Variants in DOK6 observed in about 807,000 individuals in gnomAD.
DOK6 encodes the protein docking protein 6, also known as downstream of tyrosine kinase 6.
Under a neutral mutation model 44.0 loss-of-function variants are expected in DOK6, and 22 were observed. The ratio of observed to expected loss-of-function variants is 0.50; its 90% CI spans 0.36 to 0.71. The LOEUF is 0.71. DOK6 is among the 30% of genes least tolerant of loss of function. DOK6 has a pLI of 0.00. For synonymous variants in DOK6, 166 were observed against 145.5 expected (o/e 1.14, Z -1.01); for missense variants, 340 against 416.4 (o/e 0.82, Z 1.60).
intron 7 of DOK6, among the ~76,000 whole-genome samples, chr18:69,773,144 A>T (rs1478383429): frequency 6.6e-6 from 1 of 152,042 alleles, no homozygotes; most frequent in Non-Finnish European, 1.5e-5. Flanking sequence ...ACAATGAGAC[A>T]TACCTTCACA....
intron 2 of DOK6, among the ~76,000 whole-genome samples, chr18:69,572,968 G>A (rs750861608): frequency 6.6e-6 from 1 of 151,410 alleles, no homozygotes; most frequent in African/African-American, 2.4e-5. Flanking sequence ...GCCACGACAT[G>A]TAGCAGGTAT....
chr18:69,753,835 A>G (rs1599306611), intron 6 of DOK6, among the ~76,000 whole-genome samples: 1 of 141,960 alleles, frequency 7.0e-6, no homozygotes, highest in Non-Finnish European at 1.6e-5. Flanking sequence ...TTTTTTTTTT[A>G]CTAAGTCCAC....
At chr18:69,592,630 T>C (rs1983648334) in intron 2 of DOK6, among the ~76,000 whole-genome samples, 1 of 152,172 alleles carries the variant, frequency 6.6e-6, no homozygotes, top group African/African-American at 2.4e-5. Flanking sequence ...GTGAACAACC[T>C]GAATTATTTT....
Position 69,771,783 on chromosome 18 carries a change from G to T in DOK6, c.856+13910G>T, listed in dbSNP as rs1485834187. On this transcript the variant is annotated intron_variant, in intron 7 of 7. Coordinates refer to ENST00000382713, the MANE Select transcript of DOK6 (RefSeq NM_152721.6). ...TCCTATTTCTAGATAGCTGAAGACAGAGAGATGAAGAAAAGAAATTAGGTA... is the reference window on the plus strand; with the variant it reads ...TCCTATTTCTAGATAGCTGAAGACATAGAGATGAAGAAAAGAAATTAGGTA... 2.6e-5 allele frequency among the ~76,000 whole-genome samples: 4 copies of T among 151,892 alleles called. No individual in the cohort carries two copies. The East Asian group carries it at 5.8e-4, about 22-fold the overall frequency.
rs553539361 is a variant in DOK6 at position 69,840,407 on chromosome 18, A to G, written c.857-837A>G. Among the ~76,000 whole-genome samples, 21 of 152,368 alleles carry G rather than the reference A, an allele frequency of 1.4e-4. 1 individual carries two copies. In the South Asian group the frequency reaches 1.9e-3, roughly 14 times the overall value. On this transcript the variant is annotated intron_variant, in intron 7 of 7. Transcript: ENST00000382713. The stretch of plus-strand genomic sequence containing the variant: ...CTGGCTTAAAAAGGATGAGGGGGAA[A>G]AAACAAATAAAGATGAGGAAACGAC...
chr18:69,710,329 C>T (rs1986729082), intron 5 of DOK6, among the ~76,000 whole-genome samples: 1 of 152,196 alleles, frequency 6.6e-6, no homozygotes, highest in Non-Finnish European at 1.5e-5. Context: ...TTTTCACATA[C>T]ATTATAGCAC....
intron 2 of DOK6, among the ~76,000 whole-genome samples, chr18:69,579,716 A>T (rs895093344): frequency 8.6e-5 from 13 of 151,948 alleles, no homozygotes; most frequent in Non-Finnish European, 1.5e-5. Context: ...GGCACCCACC[A>T]CCACGCCCAG....
At chr18:69,705,399 C>T (rs1028546550) in intron 5 of DOK6, among the ~76,000 whole-genome samples, 21 of 152,052 alleles carry the variant, frequency 1.4e-4, no homozygotes, top group African/African-American at 5.1e-4. Context: ...AGCTCTATTT[C>T]TCAGATATGC....
intron 3 of DOK6, among the ~76,000 whole-genome samples, chr18:69,609,438 T>G (rs2144629369): frequency 6.6e-6 from 1 of 151,352 alleles, no homozygotes; most frequent in Admixed American, 6.6e-5. Flanking sequence ...AAAATCACAA[T>G]GAGTATTATG....
At chr18:69,538,829 T>G (rs1039288537) in intron 1 of DOK6, among the ~76,000 whole-genome samples, 9 of 152,118 alleles carry the variant, frequency 5.9e-5, no homozygotes, top group African/African-American at 2.2e-4. Context: ...CCTCCTCCCT[T>G]CTTCTTGGAT....
At chr18:69,659,945 TAAC>T (rs1465773144) in intron 3 of DOK6, 1 of 105,074 alleles carries the variant, frequency 9.5e-6, no homozygotes, top group African/African-American at 3.1e-5. Context: ...TTTATATATA[TAAC>T]ATATATGTAT....
intron 1 of DOK6, among the ~76,000 whole-genome samples, chr18:69,561,852 G>C (rs180984556): frequency 8.4e-4 from 128 of 152,242 alleles, no homozygotes; most frequent in Middle Eastern, 3.4e-3. Flanking sequence ...ACATGGAAAA[G>C]ACTGTCTTCT....
intron 2 of DOK6, among the ~76,000 whole-genome samples, chr18:69,583,965 A>G (rs564633894): frequency 6.7e-4 from 101 of 151,786 alleles, no homozygotes; most frequent in Non-Finnish European, 1.0e-3. Flanking sequence ...AAAATTAGCC[A>G]GGCGTGGTGG....
At chr18:69,813,894 C>G (rs978000719) in intron 7 of DOK6, among the ~76,000 whole-genome samples, 2 of 152,234 alleles carry the variant, frequency 1.3e-5, no homozygotes, top group Non-Finnish European at 2.9e-5. Flanking sequence ...GGCTTATTCT[C>G]ATTTCTCAAT....
At chr18:69,770,101 G>A (rs1979843970) in intron 7 of DOK6, among the ~76,000 whole-genome samples, 1 of 152,062 alleles carries the variant, frequency 6.6e-6, no homozygotes, top group African/African-American at 2.4e-5. Context: ...GTTAGGAGTG[G>A]CGTTTTTATA....
chr18:69,726,582 A>G (rs1208101854), intron 5 of DOK6, among the ~76,000 whole-genome samples: 5 of 152,110 alleles, frequency 3.3e-5, no homozygotes, highest in African/African-American at 1.2e-4. Flanking sequence ...ATAATAAAAT[A>G]CCATAAACGG....
At chr18:69,719,892 T>A (rs755289940) in intron 5 of DOK6, among the ~76,000 whole-genome samples, 3 of 152,162 alleles carry the variant, frequency 2.0e-5, no homozygotes, top group Non-Finnish European at 2.9e-5. Flanking sequence ...TTCACTTATA[T>A]TACCATTAAT....
chr18:69,590,990 T>C (rs942460196), intron 2 of DOK6, among the ~76,000 whole-genome samples: 1 of 152,264 alleles, frequency 6.6e-6, no homozygotes, highest in South Asian at 2.1e-4. Context: ...TTTCTACTGG[T>C]TTTCATTTTC....
intron 7 of DOK6, among the ~76,000 whole-genome samples, chr18:69,762,145 GCATGCATACATACATACATACATACATA>G (rs1335868360): frequency 9.2e-6 from 1 of 108,970 alleles, no homozygotes; most frequent in Non-Finnish European, 2.1e-5. Flanking sequence ...CTCCATCTCT[GCATGCATACATACATACATACATACATA>G]CATACATACA....
Sources: gnomAD v4.1 joint callset for allele counts (sites outside exome capture counted in the v4.1 genomes callset) on GRCh38, gnomAD v4.1.1 for gene constraint, MANE v1.5 for transcripts, NCBI Gene and HGNC (gene_info 2026-07-23, HGNC 2026-07-21) for gene names.